The following CSF2RB variants were observed in gnomAD, a reference collection of about 807,000 sequenced individuals.
The protein encoded by CSF2RB is cytokine receptor common subunit beta.
In CSF2RB, 22 loss-of-function variants were observed where a neutral mutation model predicts 67.2. The ratio of observed to expected loss-of-function variants is 0.33; its 90% CI spans 0.23 to 0.47. The LOEUF (loss-of-function observed/expected upper bound fraction) is 0.47, where lower values mean the gene tolerates loss of function less well. Among genes scored for constraint, CSF2RB ranks in the 20% least tolerant of loss-of-function variants. The pLI is 1.00. For synonymous variants in CSF2RB, 507 were observed against 482.9 expected (o/e 1.05, Z -0.65); for missense variants, 1,113 against 1,174.5 (o/e 0.95, Z 0.76).
At chr22:36,921,326 T>C (rs56910421) in intron 1 of CSF2RB, among the ~76,000 whole-genome samples, 31,742 of 151,586 alleles carry the variant, frequency 0.21, 3,663 homozygotes, top group East Asian at 0.36. Context: ...TGTGTCTGCC[T>C]CTGTGTGTGT....
intron 6 of CSF2RB, among the ~76,000 whole-genome samples, chr22:36,930,061 T>C (rs975039506): frequency 3.9e-5 from 6 of 152,198 alleles, no homozygotes; most frequent in African/African-American, 1.2e-4. Context: ...ACAACAACAG[T>C]GCTATTAGCA....
chr22:36,925,394 C>G (rs528689317), intron 3 of CSF2RB, among the ~76,000 whole-genome samples: 4 of 152,280 alleles, frequency 2.6e-5, no homozygotes, highest in Middle Eastern at 3.4e-3. Context: ...AACCGAGGAC[C>G]CTCAGGAATC....
Position 36,930,687 on chromosome 22 carries a change from C to A in CSF2RB, c.869C>A (p.Ser290Tyr). ...GTGCTCCTCAGGGAGGAAGAGTGCT[C>A]CCCAGTGCTGAGGGAGGGGCTCGGC... Reference protein sequence around the residue: ...PSPDAGEEECSPVLREGLGSL... With the variant: ...PSPDAGEEECYPVLREGLGSL... Residue 290 changes from serine (S) to tyrosine (Y), a missense_variant, in exon 8 of 14, where the codon TCC becomes TAC. By Grantham distance (144) the Ser-to-Tyr change is moderately radical. This residue lies in a region of CSF2RB where 559 missense variants were observed against 656.5 expected (regional missense o/e 0.85). Coordinates refer to ENST00000403662, the MANE Select transcript of CSF2RB (RefSeq NM_000395.3). 6.2e-7 allele frequency: 1 copy of A among 1,612,792 alleles called. No individual in the cohort carries two copies. Among genetic ancestry groups the A allele is most frequent in the African/African-American group, 1.3e-5 (1 of 74,998 alleles).
intron 1 of CSF2RB, among the ~76,000 whole-genome samples, chr22:36,918,362 C>G (rs1490585412): frequency 6.6e-6 from 1 of 152,192 alleles, no homozygotes; most frequent in Non-Finnish European, 1.5e-5. Context: ...TTCAGAGTCT[C>G]TTATGTGAAA....
chr22:36,923,823 G>T (rs1247107067), intron 3 of CSF2RB: 3 of 1,272,342 alleles, frequency 2.4e-6, no homozygotes, highest in Non-Finnish European at 3.1e-6. Context: ...TGGAGGTGAG[G>T]TGCCAGCCCT....
intron 3 of CSF2RB, 83 bp from the exon 4 acceptor site, chr22:36,925,904 G>C: frequency 6.9e-7 from 1 of 1,443,624 alleles, no homozygotes; most frequent in Non-Finnish European, 9.7e-7. Flanking sequence ...AACAGAGCCA[G>C]GCATGTGGTG....
In CSF2RB at chr22:36,937,969, C is replaced by A; in HGVS notation, c.2161C>A (p.Pro721Thr). 6.2e-7 allele frequency: 1 copy of A among 1,614,166 alleles called. No individual in the cohort carries two copies. Reference protein sequence around the residue: ...YVSSADLVFTPNSGASSVSLV... With the variant: ...YVSSADLVFTTNSGASSVSLV... ...CTCCTCTGCAGACCTGGTATTCACC[C>A]CAAACTCAGGGGCCTCGTCTGTCTC... Residue 721 changes from proline (P) to threonine (T), a missense_variant, in exon 14 of 14, where the codon CCA becomes ACA. By Grantham distance (38) the Pro-to-Thr change is conservative. Transcript: ENST00000403662. This position sits in a 1 kb window ranked among gnomAD's most constrained non-coding sequence, Gnocchi z 4.6.
chr22:36,916,457 G>C (rs780404616), intron 1 of CSF2RB, among the ~76,000 whole-genome samples: 1 of 152,054 alleles, frequency 6.6e-6, no homozygotes, highest in Non-Finnish European at 1.5e-5. Context: ...TACATACTTC[G>C]TTATTTTCTT....
chr22:36,930,565 G>C, intron 7 of CSF2RB, 55 bp downstream of exon 7: 1 of 1,611,486 alleles, frequency 6.2e-7, no homozygotes, highest in Non-Finnish European at 8.5e-7. Flanking sequence ...CTCTCTCCAA[G>C]CTTCCTCCTG....
chr22:36,921,611 G>A (rs1940871905), intron 1 of CSF2RB, among the ~76,000 whole-genome samples: 1 of 152,160 alleles, frequency 6.6e-6, no homozygotes, highest in Non-Finnish European at 1.5e-5. Flanking sequence ...CGGCCTCCGA[G>A]GAGAAAAGGG....
intron 8 of CSF2RB, 48 bp from the exon 9 acceptor site, chr22:36,932,717 G>A (rs759086434): frequency 1.2e-5 from 20 of 1,600,910 alleles, no homozygotes; most frequent in Non-Finnish European, 1.4e-5. Context: ...GGAATGTTCC[G>A]TTGGAGGGTG....
rs1383825092 is a variant in CSF2RB at position 36,938,386 on chromosome 22, C to T, written c.2578C>T (p.Pro860Ser). 4.3e-6 allele frequency: 7 copies of T among 1,614,160 alleles called. No individual in the cohort carries two copies. The African/African-American group carries it at 6.7e-5, about 15-fold the overall frequency. The part of the protein sequence containing the change: ...NLDQAFQVKK[P>S]PGQAVPQVPV... ...AGACCAGGCTTTTCAAGTCAAGAAG[C>T]CCCCAGGCCAGGCTGTGCCCCAGGT... The change falls in exon 14 of 14, where the codon CCC becomes TCC. Residue 860 changes from proline (P) to serine (S), a missense_variant. Around this residue, in one of 2 missense-constraint regions of CSF2RB, gnomAD observed 554 missense variants for 517.9 expected, o/e 1.07. Transcript: ENST00000403662.
intron 4 of CSF2RB, among the ~76,000 whole-genome samples, chr22:36,926,445 T>C (rs888704155): frequency 1.8e-4 from 27 of 152,242 alleles, no homozygotes; most frequent in Admixed American, 1.3e-4. Flanking sequence ...AAAACCGTTC[T>C]CACCACTCAC....
At chr22:36,936,729 C>A in intron 13 of CSF2RB, 77 bp downstream of exon 13, 1 of 1,292,098 alleles carries the variant, frequency 7.7e-7, no homozygotes, top group Non-Finnish European at 1.1e-6. Context: ...ATCAGGGACT[C>A]AAGTGAGGCT....
rs747108469 is a variant in CSF2RB at position 36,937,639 on chromosome 22, C to T, written c.1831C>T (p.Pro611Ser). The change falls in exon 14 of 14, where the codon CCC becomes TCC. Residue 611 changes from proline (P) to serine (S), a missense_variant. Transcript: ENST00000403662. This position sits in a 1 kb window ranked among gnomAD's most constrained non-coding sequence, Gnocchi z 4.6. ...SLPDILGQPE[P>S]PQEGGSQKSP... is the part of the protein sequence containing the mutation. ...ACCTGACATCCTGGGCCAGCCGGAG[C>T]CCCCACAGGAGGGTGGGAGCCAGAA... The T allele has an allele frequency of 3.0e-5, 47 of 1,558,440 alleles. No individual in the cohort carries two copies. In the African/African-American group the frequency reaches 5.7e-4, roughly 19 times the overall value.
chr22:36,934,117 C>T (rs541620730), intron 10 of CSF2RB, 123 bp downstream of exon 10: 21 of 1,307,102 alleles, frequency 1.6e-5, no homozygotes, highest in African/African-American at 1.0e-4. Context: ...GCCGTCTCCC[C>T]GATTAGATGG....
chr22:36,932,233 A>T (rs1358404053), intron 8 of CSF2RB, among the ~76,000 whole-genome samples: 1 of 152,166 alleles, frequency 6.6e-6, no homozygotes, highest in East Asian at 1.9e-4. Context: ...TCAGGAGCTC[A>T]AGACCAGCCT....
At chr22:36,936,702 C>T (rs1941275327) in intron 13 of CSF2RB, 50 bp downstream of exon 13, 3 of 1,493,114 alleles carry the variant, frequency 2.0e-6, no homozygotes, top group Non-Finnish European at 9.2e-7. Flanking sequence ...ATACGGGGGG[C>T]TGACTCCATT....
intron 10 of CSF2RB, among the ~76,000 whole-genome samples, chr22:36,934,657 A>C (rs1472836738): frequency 6.6e-6 from 1 of 152,164 alleles, no homozygotes; most frequent in Admixed American, 6.5e-5. Context: ...TGCTGCGTGC[A>C]CTGACCCCTC....
Sources: gnomAD v4.1 joint callset for allele counts (sites outside exome capture counted in the v4.1 genomes callset) on GRCh38, gnomAD v4.1.1 for gene constraint, gnomAD v4.1.1 regional missense constraint, Gnocchi (gnomAD v3.1) non-coding constraint, MANE v1.5 for transcripts, NCBI Gene and HGNC (gene_info 2026-07-23, HGNC 2026-07-21) for gene names.